EPC2: variants seen among roughly 807,000 people sequenced by gnomAD.
EPC2 encodes the protein enhancer of polycomb homolog 2.
In EPC2, 14 loss-of-function variants were observed where a neutral mutation model predicts 92.1. The ratio of observed to expected loss-of-function variants is 0.15; its 90% confidence interval spans 0.10 to 0.24. EPC2 has a LOEUF of 0.24. Among genes scored for constraint, EPC2 ranks in the 10% least tolerant of loss-of-function variants. EPC2 has a pLI of 1.00. For missense variants in EPC2, 755 were observed against 971.5 expected (o/e 0.78, Z 2.96); for synonymous variants, 340 against 334.7 (o/e 1.02, Z -0.17).
At chr2:148,742,983 T>C (rs903826620) in intron 2 of EPC2, among the ~76,000 whole-genome samples, 13 of 152,152 alleles carry the variant, frequency 8.5e-5, no homozygotes, top group African/African-American at 3.1e-4. Context: ...AGTAGAAATT[T>C]AAAAAGTTTA....
chr2:148,754,016 A>G lies in EPC2; in HGVS notation c.549A>G (p.Lys183=), dbSNP rs1479683187. 1.9e-6 allele frequency: 3 copies of G among 1,611,852 alleles called. No homozygotes were observed. The East Asian group carries it at 6.7e-5, about 36-fold the overall frequency. ...AVYDYWVRKR[K]NCRGPSLIPQ... ...ATGACTACTGGGTGAGAAAACGTAA[A>G]AACTGCAGGGGGCCATCCCTCATTC... The change falls in exon 4 of 14, where the codon AAA becomes AAG. Residue 183 remains lysine (K), a synonymous_variant. Transcript: ENST00000258484.
intron 2 of EPC2, among the ~76,000 whole-genome samples, chr2:148,742,828 T>A (rs993189582): frequency 2.0e-5 from 3 of 151,810 alleles, no homozygotes; most frequent in Non-Finnish European, 4.4e-5. Context: ...TATTCTCTAC[T>A]AAAATACCAA....
At chr2:148,774,018 T>C (rs891698167) in intron 10 of EPC2, among the ~76,000 whole-genome samples, 2 of 152,000 alleles carry the variant, frequency 1.3e-5, no homozygotes, top group Non-Finnish European at 2.9e-5. Context: ...TTAAGAGTAA[T>C]AAGACAAAAA....
At chr2:148,777,947 T>A (rs1683676928) in intron 10 of EPC2, among the ~76,000 whole-genome samples, 1 of 152,204 alleles carries the variant, frequency 6.6e-6, no homozygotes, top group Admixed American at 6.5e-5. Flanking sequence ...GCAAGTATGT[T>A]ACTAACGTCC....
chr2:148,658,458 G>C (rs1004879623), intron 1 of EPC2, among the ~76,000 whole-genome samples: 1 of 152,080 alleles, frequency 6.6e-6, no homozygotes, highest in Non-Finnish European at 1.5e-5. Context: ...CCTCAGCTGG[G>C]AGTATATGTC....
At chr2:148,653,349 G>A (rs920003443) in intron 1 of EPC2, among the ~76,000 whole-genome samples, 2 of 152,198 alleles carry the variant, frequency 1.3e-5, no homozygotes, top group African/African-American at 4.8e-5. Context: ...AGGAGAGGCT[G>A]ATAGGAATAA....
At chr2:148,782,309 G>A (rs868842867) in intron 11 of EPC2, among the ~76,000 whole-genome samples, 1 of 152,076 alleles carries the variant, frequency 6.6e-6, no homozygotes, top group East Asian at 1.9e-4. Flanking sequence ...GGCCGAGGCG[G>A]GCAGATCACT....
At chr2:148,671,286 GATTTTTT>G (rs1352104839) in intron 1 of EPC2, among the ~76,000 whole-genome samples, 62 of 130,618 alleles carry the variant, frequency 4.7e-4, no homozygotes, top group African/African-American at 1.8e-3. Flanking sequence ...TGTGGATTGT[GATTTTTT>G]TTTTTTTTTT....
intron 2 of EPC2, chr2:148,691,763 C>T: frequency 1.2e-6 from 1 of 804,180 alleles, no homozygotes; most frequent in Non-Finnish European, 2.1e-6. Context: ...TTTTTTGCTT[C>T]TCCTTTCTAC....
chr2:148,696,679 A>T (rs1681752590), intron 2 of EPC2, among the ~76,000 whole-genome samples: 1 of 152,182 alleles, frequency 6.6e-6, no homozygotes, highest in African/African-American at 2.4e-5. Flanking sequence ...CCCTGAGGTA[A>T]CTCAGCAGAA....
chr2:148,750,398 G>A (rs1683063600), intron 3 of EPC2, among the ~76,000 whole-genome samples: 1 of 151,730 alleles, frequency 6.6e-6, no homozygotes, highest in Admixed American at 6.6e-5. Flanking sequence ...AAAAAAAAAA[G>A]TAGCACATGG....
rs529049290 is a variant in EPC2, at chr2:148,708,264, G to C, written c.313+17891G>C. Among the ~76,000 whole-genome samples, 3 of 152,080 alleles carry C rather than the reference G, an allele frequency of 2.0e-5. No individual in the cohort carries two copies. The South Asian group carries it at 6.2e-4, about 32-fold the overall frequency. The stretch of plus-strand genomic sequence containing the variant: ...TCTAGAAGAAATTGACAAATTCCTC[G>C]ACACATACACCCTCCCAAGACTAAA... On this transcript the variant is annotated intron_variant, in intron 2 of 13. Coordinates refer to ENST00000258484, the MANE Select transcript of EPC2 (RefSeq NM_015630.4).
At chr2:148,671,491 G>A (rs954023976) in intron 1 of EPC2, among the ~76,000 whole-genome samples, 1 of 152,022 alleles carries the variant, frequency 6.6e-6, no homozygotes, top group African/African-American at 2.4e-5. Flanking sequence ...GTGTGCACCT[G>A]TAATCCCAGC....
intron 10 of EPC2, among the ~76,000 whole-genome samples, chr2:148,780,367 T>C (rs1420034524): frequency 1.3e-5 from 2 of 152,134 alleles, no homozygotes; most frequent in Admixed American, 6.5e-5. Context: ...TCATAGAAAA[T>C]AGACTGTACT....
chr2:148,731,307 C>T (rs1371813576), intron 2 of EPC2, among the ~76,000 whole-genome samples: 1 of 152,154 alleles, frequency 6.6e-6, no homozygotes, highest in Non-Finnish European at 1.5e-5. Flanking sequence ...TCAAAATAAT[C>T]GCCTTTAGAA....
rs988453373 is a variant in EPC2 at position 148,714,830 on chromosome 2, G to A, written c.313+24457G>A. ...TACATCTTTGTCAGATGGGTAAGTT[G>A]CAAAAAGTTTCTCCCATTCTGTAGG... is the stretch of plus-strand genomic sequence containing the variant. On this transcript the variant is annotated intron_variant, in intron 2 of 13. Transcript: ENST00000258484. Among the ~76,000 whole-genome samples the A allele has an allele frequency of 2.0e-5, 3 of 152,050 alleles. No individual in the cohort carries two copies. The East Asian group carries it at 5.8e-4, about 29-fold the overall frequency.
chr2:148,769,092 TACAA>T, intron 7 of EPC2, 55 bp from the exon 8 acceptor site: 1 of 1,097,256 alleles, frequency 9.1e-7, no homozygotes, highest in Non-Finnish European at 1.4e-6. Flanking sequence ...TTTAGAGTAT[TACAA>T]ACATTGATCT....
intron 3 of EPC2, among the ~76,000 whole-genome samples, chr2:148,751,282 T>C (rs1683079176): frequency 1.3e-5 from 2 of 152,172 alleles, no homozygotes; most frequent in Non-Finnish European, 2.9e-5. Context: ...AAATTACAGA[T>C]TTTGTTGATT....
In EPC2 at chr2:148,743,680, A is replaced by G; in HGVS notation, c.372A>G (p.Leu124=). The change falls in exon 3 of 14, where the codon TTA becomes TTG. Residue 124 remains leucine (L), a synonymous_variant. Transcript: ENST00000258484. The part of the protein sequence containing the change: ...DYDMDSEDET[L]LNRLNRKMEI... ...ATATGGATTCAGAAGATGAGACTTT[A>G]TTAAATAGACTTAACAGAAAGATGG... The G allele has an allele frequency of 6.2e-7, 1 of 1,604,170 alleles. No homozygotes were observed. Among genetic ancestry groups the G allele is most frequent in the South Asian group, 1.1e-5 (1 of 89,010 alleles).
Sources: gnomAD v4.1 joint callset for allele counts (sites outside exome capture counted in the v4.1 genomes callset) on GRCh38, gnomAD v4.1.1 for gene constraint, MANE v1.5 for transcripts, NCBI Gene and HGNC (gene_info 2026-07-23, HGNC 2026-07-21) for gene names.